Variants in SMAD2 observed in about 807,000 individuals in gnomAD.
The protein encoded by SMAD2 is MAD homolog 2.
Under a neutral mutation model 64.4 loss-of-function variants are expected in SMAD2, and 8 were observed. That is an observed-to-expected ratio of 0.12 (90% confidence interval 0.07 to 0.22). The LOEUF (loss-of-function observed/expected upper bound fraction) is 0.22, where lower values mean the gene tolerates loss of function less well. Among genes scored for constraint, SMAD2 ranks in the 10% least tolerant of loss-of-function variants. SMAD2 has a pLI of 1.00. For missense variants in SMAD2, 289 were observed against 561.2 expected (o/e 0.51, Z 4.90); for synonymous variants, 203 against 195.8 (o/e 1.04, Z -0.31).
intron 5 of SMAD2, chr18:47,867,209 T>TA (rs1214935324): frequency 1.3e-5 from 2 of 152,030 alleles, no homozygotes; most frequent in Non-Finnish European, 2.9e-5. Context: ...TAGCAACCCA[T>TA]AAAGCAGCTT....
At chr18:47,897,703 G>A (rs1366012929) in intron 1 of SMAD2, among the ~76,000 whole-genome samples, 1 of 151,998 alleles carries the variant, frequency 6.6e-6, no homozygotes, top group Non-Finnish European at 1.5e-5. Flanking sequence ...AATTTAGAAA[G>A]CACTGTCCCC....
intron 1 of SMAD2, among the ~76,000 whole-genome samples, chr18:47,909,808 A>T (rs1158343799): frequency 6.6e-6 from 1 of 152,198 alleles, no homozygotes; most frequent in African/African-American, 2.4e-5. Context: ...GACATTGGAC[A>T]ATGTCGCTGG....
At chr18:47,919,521 A>C (rs759824805) in intron 1 of SMAD2, among the ~76,000 whole-genome samples, 21 of 136,922 alleles carry the variant, frequency 1.5e-4, no homozygotes, top group South Asian at 9.4e-4. Flanking sequence ...CACACACACA[A>C]AGAATAGGAG....
intron 2 of SMAD2, 47 bp from the exon 3 acceptor site, chr18:47,870,611 T>C (rs747191853): frequency 1.7e-6 from 2 of 1,178,114 alleles, no homozygotes; most frequent in Admixed American, 1.7e-5. Flanking sequence ...CATGGAAGCA[T>C]GGTTATTCAA....
At chr18:47,862,170 A>G (rs978426057) in intron 6 of SMAD2, among the ~76,000 whole-genome samples, 1 of 152,274 alleles carries the variant, frequency 6.6e-6, no homozygotes, top group Admixed American at 6.5e-5. Context: ...TCAATTTCTA[A>G]TTTTTGTATA....
chr18:47,895,370 C>G (rs1473629706), intron 2 of SMAD2: 9 of 152,232 alleles, frequency 5.9e-5, no homozygotes, highest in African/African-American at 2.2e-4. Context: ...CGACCCAAAG[C>G]AGCTTTTTAA....
Position 47,896,764 on chromosome 18 carries a change from C to T in SMAD2, c.-8G>A. 1 of 1,613,170 alleles carries T rather than the reference C, an allele frequency of 6.2e-7. No individual in the cohort carries two copies. Among genetic ancestry groups the T allele is most frequent in the South Asian group, 1.1e-5 (1 of 90,998 alleles). ...TGGCAAGATGGACGACATGTTCTTA[C>T]CAAAGGCAGCAAGCCACGCTAGGAA... On this transcript the variant is annotated 5_prime_UTR_variant, in exon 2 of 11. Transcript: ENST00000262160.
intron 6 of SMAD2, among the ~76,000 whole-genome samples, chr18:47,858,261 T>C (rs1032551358): frequency 6.6e-6 from 1 of 152,150 alleles, no homozygotes; most frequent in African/African-American, 2.4e-5. Context: ...ATGGAAATTA[T>C]ATAGCTAAAA....
In SMAD2 at chr18:47,836,442, T is replaced by A. The variant is rs1913421967; in HGVS notation, c.*5385A>T. 2 of 220,976 alleles carry A rather than the reference T, an allele frequency of 9.1e-6. No individual in the cohort carries two copies. Among genetic ancestry groups the A allele is most frequent in the Non-Finnish European group, 1.8e-5 (2 of 110,422 alleles). 13.7% of individuals were successfully genotyped at this position (220,976 alleles called of 1,614,324 possible). A position where few individuals can be genotyped will look rare whatever the true frequency, so the allele number is the denominator to read the frequency against. ...CCAAAAAATGGTATATTAAATGAAC[T>A]GCCAAATGGCAGATTAAGAAAATTA... On this transcript the variant is annotated 3_prime_UTR_variant, in exon 11 of 11. Transcript: ENST00000262160.
At chr18:47,870,001 C>A (rs1294146687) in intron 3 of SMAD2, among the ~76,000 whole-genome samples, 5 of 151,462 alleles carry the variant, frequency 3.3e-5, no homozygotes, top group African/African-American at 1.2e-4. Flanking sequence ...GAACAAATAC[C>A]ATATACGCAA....
At chr18:47,864,610 A>T (rs1387890953) in intron 6 of SMAD2, among the ~76,000 whole-genome samples, 1 of 152,176 alleles carries the variant, frequency 6.6e-6, no homozygotes, top group Admixed American at 6.5e-5. Flanking sequence ...AAGCATAAGA[A>T]ATTAATCTAC....
chr18:47,850,598 AT>A (rs1915311310), intron 7 of SMAD2, among the ~76,000 whole-genome samples: 1 of 59,778 alleles, frequency 1.7e-5, no homozygotes, highest in South Asian at 4.3e-4. Context: ...TATTATATAT[AT>A]TATGTATAAT....
intron 6 of SMAD2, among the ~76,000 whole-genome samples, chr18:47,855,086 ATAGT>A (rs2030546808): frequency 6.6e-6 from 1 of 152,190 alleles, no homozygotes; most frequent in African/African-American, 2.4e-5. Context: ...AATGTCATAT[ATAGT>A]AAGTCTTCAT....
rs71162900 is a variant in SMAD2, at chr18:47,882,041, CTTT to C, written c.237-11480_237-11478del. 8.6e-3 allele frequency among the ~76,000 whole-genome samples: 334 copies of C among 38,800 alleles called. 3 individuals are homozygous for C. The highest frequency in any genetic ancestry group is 0.029 in the African/African-American group (289 of 9,854). The allele number at this position is 38,800 out of a possible 152,430, so 25.5% of individuals were successfully genotyped here. ...CACAGGAATGTACTACCACGCTTGG[CTTT>C]TTTTTTTTTTTTTTTTTTTTTTTGT... On this transcript the variant is annotated intron_variant, in intron 2 of 10. Coordinates refer to ENST00000262160, the MANE Select transcript of SMAD2 (RefSeq NM_005901.6).
In SMAD2 at chr18:47,816,938, T is replaced by C. The variant is rs1039079908; in HGVS notation, c.*24889A>G. 1 of 152,090 alleles carries C rather than the reference T, an allele frequency of 6.6e-6. No individual in the cohort carries two copies. The highest frequency in any genetic ancestry group is 1.5e-5 in the Non-Finnish European group (1 of 68,040). 9.4% of individuals were successfully genotyped at this position (152,090 alleles called of 1,614,324 possible). ...CAATACACCCATCTAATTTTTTGTATTTTTAGTAGAGAGGGGGTTTCACTA... is the reference window on the plus strand; with the variant it reads ...CAATACACCCATCTAATTTTTTGTACTTTTAGTAGAGAGGGGGTTTCACTA... On this transcript the variant is annotated 3_prime_UTR_variant, in exon 11 of 11. Transcript: ENST00000262160.
rs529779179 is a variant in SMAD2 at position 47,817,556 on chromosome 18, C to T, written c.*24271G>A. The T allele has an allele frequency of 6.5e-6, 1 of 152,782 alleles. No individual in the cohort carries two copies. The highest frequency in any genetic ancestry group is 2.1e-4 in the South Asian group (1 of 4,830). The allele number at this position is 152,782 out of a possible 1,614,324, so 9.5% of individuals were successfully genotyped here. On this transcript the variant is annotated 3_prime_UTR_variant, in exon 11 of 11. Transcript: ENST00000262160. The stretch of plus-strand genomic sequence containing the variant: ...GCTCAAGCGATCCTCCTGCCTTGGC[C>T]TCCCAAAGTGCTGGGATTACAGGCA...
At chr18:47,864,744 T>G (rs981850601) in intron 6 of SMAD2, among the ~76,000 whole-genome samples, 2 of 152,160 alleles carry the variant, frequency 1.3e-5, no homozygotes, top group African/African-American at 4.8e-5. Flanking sequence ...AGAGAGATAC[T>G]TAGTCATAGG....
chr18:47,843,818 T>C (rs1914208824), intron 10 of SMAD2, among the ~76,000 whole-genome samples: 1 of 152,126 alleles, frequency 6.6e-6, no homozygotes, highest in Non-Finnish European at 1.5e-5. Context: ...AACAGCAGAG[T>C]CCACAGTGAA....
chr18:47,842,501 C>G (rs571860562), intron 10 of SMAD2, among the ~76,000 whole-genome samples: 131 of 152,102 alleles, frequency 8.6e-4, no homozygotes, highest in African/African-American at 3.1e-3. Context: ...GATCATGCCA[C>G]TGCACTCTAG....
Sources: allele counts gnomAD v4.1 joint callset (sites outside exome capture counted in the v4.1 genomes callset), GRCh38; gene constraint gnomAD v4.1.1; transcripts MANE v1.5; gene names NCBI Gene and HGNC (gene_info 2026-07-23, HGNC 2026-07-21).